TPX2: variants seen among roughly 807,000 people sequenced by gnomAD.
The protein encoded by TPX2 is TPX2 microtubule nucleation factor, also known as targeting protein for Xklp2.
A neutral mutation model predicts 93.6 loss-of-function variants in TPX2; 21 were observed. The ratio of observed to expected loss-of-function variants is 0.22; its 90% CI spans 0.16 to 0.32. TPX2 has a LOEUF of 0.32. Among genes scored for constraint, TPX2 ranks in the 10% least tolerant of loss-of-function variants. The pLI is 1.00. For synonymous variants in TPX2, 281 were observed against 298.3 expected (o/e 0.94, Z 0.60); for missense variants, 776 against 871.1 (o/e 0.89, Z 1.37).
At position 31,797,538 on chromosome 20, in the gene TPX2, G is replaced by A. The variant is rs745402888; in HGVS notation, c.1945+23G>A. 7.5e-6 allele frequency: 12 copies of A among 1,603,628 alleles called. No individual in the cohort carries two copies. In the Admixed American group the frequency reaches 2.0e-4, roughly 27 times the overall value. On this transcript the variant is annotated intron_variant, in intron 16 of 17. Transcript: ENST00000300403. ...CTGGTAGTATTATATGTACTCTGAT[G>A]GGACTCGGGCAGAATTGTCAGACTT...
At chr20:31,764,615 T>G (rs1403181105) in intron 4 of TPX2, among the ~76,000 whole-genome samples, 6 of 152,244 alleles carry the variant, frequency 3.9e-5, no homozygotes, top group Admixed American at 3.9e-4. Context: ...CATTTTTTTG[T>G]AGACAGCATA....
chr20:31,746,936 G>C (rs115919917), intron 2 of TPX2, among the ~76,000 whole-genome samples: 9 of 152,246 alleles, frequency 5.9e-5, no homozygotes, highest in African/African-American at 2.2e-4. Flanking sequence ...GAACTCCGCA[G>C]GTCTGTCTGT....
intron 4 of TPX2, among the ~76,000 whole-genome samples, chr20:31,761,359 G>T (rs925162440): frequency 6.6e-6 from 1 of 151,850 alleles, no homozygotes; most frequent in Non-Finnish European, 1.5e-5. Flanking sequence ...CCACCAGCAT[G>T]CCCGGCTAAT....
At chr20:31,773,446 T>G (rs2061976929) in intron 7 of TPX2, among the ~76,000 whole-genome samples, 2 of 150,106 alleles carry the variant, frequency 1.3e-5, no homozygotes, top group South Asian at 4.2e-4. Context: ...CCACCATGCC[T>G]GGCCCCGGCT....
rs140120684 is a variant in TPX2 at position 31,741,317 on chromosome 20, G to T, written c.-177-1224G>T. On this transcript the variant is annotated intron_variant, in intron 1 of 17. Transcript: ENST00000300403. ...AGTTGTTTTTTTTGTTTTTGTTTTT[G>T]TTTTTTTTTTTTGAGACGGAGTCTC... Among the ~76,000 whole-genome samples the T allele has an allele frequency of 8.4e-3, 1,177 of 140,882 alleles. 39 individuals carry two copies. The East Asian group carries it at 0.13, about 15-fold the overall frequency. The allele number at this position is 140,882 out of a possible 152,430, so 92.4% of individuals were successfully genotyped here.
chr20:31,773,091 C>G (rs1568589452), intron 7 of TPX2, among the ~76,000 whole-genome samples: 1 of 150,258 alleles, frequency 6.7e-6, no homozygotes, highest in Non-Finnish European at 1.5e-5. Context: ...ATTCTCCTAC[C>G]TCAGCCTCCT....
intron 4 of TPX2, among the ~76,000 whole-genome samples, chr20:31,766,094 A>G (rs1298684453): frequency 6.6e-6 from 1 of 152,230 alleles, no homozygotes. Flanking sequence ...TATACAATTG[A>G]AAGTTTATCT....
At position 31,760,049 on chromosome 20, in the gene TPX2, T is replaced by C; in HGVS notation, c.107-8T>C. 2 of 1,612,206 alleles carry C rather than the reference T, an allele frequency of 1.2e-6. No individual in the cohort carries two copies. Among genetic ancestry groups the C allele is most frequent in the Non-Finnish European group, 1.7e-6 (2 of 1,179,544 alleles). On this transcript the variant is annotated splice_region_variant and splice_polypyrimidine_tract_variant and intron_variant, in intron 3 of 17. Transcript: ENST00000300403. ...TGATCAGACAATGATGATCTTCCCT[T>C]TTCACAGAGGAGAAGGCCAATTTGG...
chr20:31,759,649 C>T (rs1391534082), intron 3 of TPX2, among the ~76,000 whole-genome samples: 3 of 151,998 alleles, frequency 2.0e-5, no homozygotes, highest in East Asian at 1.9e-4. Context: ...CCACCCGCCT[C>T]GGCCTCCCAA....
chr20:31,793,310 G>T (rs2062114713), intron 13 of TPX2, among the ~76,000 whole-genome samples: 1 of 152,210 alleles, frequency 6.6e-6, no homozygotes, highest in African/African-American at 2.4e-5. Context: ...GGTCAGGCCA[G>T]TTTCTTGTTA....
chr20:31,743,430 A>C (rs752995871), intron 2 of TPX2, among the ~76,000 whole-genome samples: 1 of 152,202 alleles, frequency 6.6e-6, no homozygotes, highest in Non-Finnish European at 1.5e-5. Context: ...TCAGGCCTGT[A>C]ATCCCACCAC....
rs780498512 is a variant in TPX2 at position 31,778,802 on chromosome 20, T to C, written c.883-11T>C. Reference sequence around the variant, plus strand: ...GACATTTCATTTGGGGAACAACTTTTCTCTTTACAGGCCCGAGTGACTAAG... The same window carrying C: ...GACATTTCATTTGGGGAACAACTTTCCTCTTTACAGGCCCGAGTGACTAAG... On this transcript the variant is annotated splice_polypyrimidine_tract_variant and intron_variant, in intron 9 of 17. Coordinates refer to ENST00000300403, the MANE Select transcript of TPX2 (RefSeq NM_012112.5). 7 of 1,534,228 alleles carry C rather than the reference T, an allele frequency of 4.6e-6. No individual in the cohort carries two copies. In the East Asian group the frequency reaches 1.6e-4, roughly 35 times the overall value.
intron 7 of TPX2, among the ~76,000 whole-genome samples, chr20:31,773,471 T>C (rs2061977145): frequency 6.6e-6 from 1 of 151,370 alleles, no homozygotes; most frequent in South Asian, 2.1e-4. Flanking sequence ...TTTGTATTTT[T>C]AGTAGAGATG....
chr20:31,750,098 C>T (rs992335625), intron 2 of TPX2, among the ~76,000 whole-genome samples: 2 of 150,924 alleles, frequency 1.3e-5, no homozygotes, highest in Admixed American at 1.3e-4. Flanking sequence ...CCACGATGCC[C>T]AGCTAATTTT....
chr20:31,766,451 C>G (rs1600370624), intron 4 of TPX2, 105 bp from the exon 5 acceptor site: 2 of 943,154 alleles, frequency 2.1e-6, no homozygotes, highest in Non-Finnish European at 2.9e-6. Flanking sequence ...GTGGCTTAGA[C>G]AGGGTGTGTG....
chr20:31,759,353 C>T (rs892854690), intron 3 of TPX2, among the ~76,000 whole-genome samples: 3 of 150,006 alleles, frequency 2.0e-5, no homozygotes, highest in East Asian at 3.9e-4. Context: ...TATACAGTAT[C>T]TCTTGTAAGC....
chr20:31,770,437 A>G lies in TPX2; in HGVS notation c.451A>G (p.Ile151Val). 6.3e-7 allele frequency: 1 copy of G among 1,594,880 alleles called. No individual in the cohort carries two copies. Among genetic ancestry groups the G allele is most frequent in the East Asian group, 2.3e-5 (1 of 44,224 alleles). The change falls in exon 6 of 18, where the codon ATC (isoleucine) becomes GTC (valine). Residue 151 changes from isoleucine to valine, a missense_variant. By Grantham distance (29) the Ile-to-Val change is conservative. Around this residue, in one of 3 missense-constraint regions of TPX2, gnomAD observed 279 missense variants for 261.6 expected, o/e 1.07. Coordinates refer to ENST00000300403, the MANE Select transcript of TPX2 (RefSeq NM_012112.5). Reference sequence around the variant, plus strand: ...CAAGAGATGTGCCACTCCTGTAATCATCGATGAAATTCTACCCTCTAAGAA... The same window carrying G: ...CAAGAGATGTGCCACTCCTGTAATCGTCGATGAAATTCTACCCTCTAAGAA... ...KAKRCATPVI[I>V]DEILPSKKMK...
intron 10 of TPX2, chr20:31,780,852 A>T: frequency 3.0e-6 from 1 of 328,462 alleles, no homozygotes; most frequent in Non-Finnish European, 5.8e-6. Context: ...ATGCTTTTAT[A>T]TTGATTTCAT....
intron 12 of TPX2, among the ~76,000 whole-genome samples, chr20:31,784,812 A>G (rs1264481360): frequency 1.3e-5 from 2 of 152,208 alleles, no homozygotes; most frequent in African/African-American, 2.4e-5. Context: ...AGAATAAGCA[A>G]TGGAGTTAAG....
Sources: allele counts gnomAD v4.1 joint callset (sites outside exome capture counted in the v4.1 genomes callset), GRCh38; gene constraint gnomAD v4.1.1; regional missense constraint gnomAD v4.1.1; transcripts MANE v1.5; gene names NCBI Gene and HGNC (gene_info 2026-07-23, HGNC 2026-07-21).